Variants in SETD3 observed in about 807,000 individuals in gnomAD.
SETD3 encodes the protein actin-histidine N-methyltransferase.
A neutral mutation model predicts 63.0 loss-of-function variants in SETD3; 19 were observed. The observed-to-expected ratio is 0.30, with a 90% CI of 0.21 to 0.44. SETD3 has a LOEUF of 0.44. Ranked by LOEUF, SETD3 falls within the 20% of genes least tolerant of loss-of-function variation. The probability of loss-of-function intolerance (pLI) is 1.00; values close to 1 mark genes in which losing one functional copy is unlikely to be tolerated. For synonymous variants in SETD3, 286 were observed against 264.1 expected (o/e 1.08, Z -0.80); for missense variants, 587 against 728.5 (o/e 0.81, Z 2.24).
At chr14:99,468,156 TAA>T (rs34626094) in intron 1 of SETD3, among the ~76,000 whole-genome samples, 11 of 131,914 alleles carry the variant, frequency 8.3e-5, no homozygotes, top group Admixed American at 1.5e-4. Context: ...AATACAGATT[TAA>T]AAAAAAAAAA....
chr14:99,416,279 C>T (rs933898975), intron 6 of SETD3, among the ~76,000 whole-genome samples: 3 of 151,998 alleles, frequency 2.0e-5, no homozygotes, highest in African/African-American at 4.8e-5. Flanking sequence ...AGTTAAAACA[C>T]ATCTTCCAAA....
chr14:99,437,921 C>G (rs983534170), intron 6 of SETD3, among the ~76,000 whole-genome samples: 1 of 152,202 alleles, frequency 6.6e-6, no homozygotes, highest in Non-Finnish European at 1.5e-5. Context: ...TCCCTCAGGT[C>G]AGCCCACATG....
intron 6 of SETD3, among the ~76,000 whole-genome samples, chr14:99,417,863 A>G (rs192978978): frequency 1.3e-5 from 2 of 152,378 alleles, no homozygotes; most frequent in East Asian, 3.9e-4. Flanking sequence ...ACAATTCTCA[A>G]AAGGCCATAT....
intron 6 of SETD3, among the ~76,000 whole-genome samples, chr14:99,423,901 T>C (rs1221847034): frequency 6.6e-6 from 1 of 152,060 alleles, no homozygotes; most frequent in Admixed American, 6.5e-5. Flanking sequence ...ATACTTTGCC[T>C]TATATTTTCT....
chr14:99,473,941 G>A (rs909602225), intron 1 of SETD3, among the ~76,000 whole-genome samples: 1 of 152,206 alleles, frequency 6.6e-6, no homozygotes, highest in African/African-American at 2.4e-5. Flanking sequence ...TTGCACAGTA[G>A]CAGGGCCTAG....
intron 6 of SETD3, among the ~76,000 whole-genome samples, chr14:99,441,797 G>A (rs1011589431): frequency 6.6e-6 from 1 of 152,184 alleles, no homozygotes; most frequent in Non-Finnish European, 1.5e-5. Context: ...TTTGTTCTAA[G>A]CGTAAGGAAA....
At chr14:99,403,681 T>C (rs1891526271) in intron 11 of SETD3, among the ~76,000 whole-genome samples, 1 of 152,232 alleles carries the variant, frequency 6.6e-6, no homozygotes, top group Admixed American at 6.5e-5. Context: ...TAAGAGGCTG[T>C]AGCCAGGAAC....
intron 6 of SETD3, among the ~76,000 whole-genome samples, chr14:99,423,570 C>T (rs1169886766): frequency 1.9e-5 from 1 of 53,814 alleles, no homozygotes; most frequent in Admixed American, 3.3e-4. Context: ...TACCAGAAGG[C>T]TCTTAAGCAC....
rs146095518 is a variant in SETD3 at position 99,463,562 on chromosome 14, C to T, written c.120G>A (p.Ala40=). The T allele has an allele frequency of 3.2e-5, 51 of 1,613,772 alleles. No homozygotes were observed. Among genetic ancestry groups the T allele is most frequent in the Non-Finnish European group, 4.3e-5 (51 of 1,179,908 alleles). ...SELLQKCSSP[A]PGPGKEWEEY... is the part of the protein sequence containing the mutation. ...CTTCCCACTCTTTTCCTGGGCCAGG[C>T]GCCGGACTGCTGCATTCTGTAACAT... The change falls in exon 3 of 13, where the codon GCG becomes GCA. Residue 40 remains alanine (A), a synonymous_variant. Coordinates refer to ENST00000331768, the MANE Select transcript of SETD3 (RefSeq NM_032233.3).
chr14:99,399,001 T>A lies in SETD3; in HGVS notation c.1463A>T (p.Tyr488Phe). 6.2e-7 allele frequency: 1 copy of A among 1,614,218 alleles called. No homozygotes were observed. ...AVKSAAVNRE[Y>F]YRQQMEEKAP... Reference sequence around the variant, plus strand: ...CTTTTCCTCCATCTGTTGGCGATAGTATTCCCGGTTGACAGCTGCACTCTT... The same window carrying A: ...CTTTTCCTCCATCTGTTGGCGATAGAATTCCCGGTTGACAGCTGCACTCTT... Residue 488 changes from tyrosine (Y) to phenylalanine (F), a missense_variant, in exon 13 of 13, where the codon TAC (tyrosine) becomes TTC (phenylalanine). By Grantham distance (22) the Tyr-to-Phe change is conservative (BLOSUM62 3). Coordinates refer to ENST00000331768, the MANE Select transcript of SETD3 (RefSeq NM_032233.3).
chr14:99,447,819 T>C (rs996405729), intron 6 of SETD3, among the ~76,000 whole-genome samples: 17 of 152,218 alleles, frequency 1.1e-4, no homozygotes, highest in African/African-American at 4.1e-4. Flanking sequence ...GGCTTATTAC[T>C]TCCTCTAAGA....
intron 6 of SETD3, among the ~76,000 whole-genome samples, chr14:99,436,900 C>T (rs1306963990): frequency 6.6e-6 from 1 of 152,170 alleles, no homozygotes; most frequent in Non-Finnish European, 1.5e-5. Context: ...AAAACATTTC[C>T]ACAGCTTGTG....
intron 1 of SETD3, among the ~76,000 whole-genome samples, chr14:99,476,319 TTCAAAA>T (rs1379224908): frequency 6.6e-6 from 1 of 152,252 alleles, no homozygotes; most frequent in African/African-American, 2.4e-5. Flanking sequence ...ATCGCTAATA[TTCAAAA>T]TACTATTCCC....
At position 99,451,796 on chromosome 14, in the gene SETD3, C is replaced by T. The variant is rs1314337058; in HGVS notation, c.675+6483G>A. ...TGCTGGGATTACAGGCATGAGCCAC[C>T]GCACCTGGCCCAGGTGCTGTATCTT... On this transcript the variant is annotated intron_variant, in intron 6 of 12. Transcript: ENST00000331768. 3.3e-5 allele frequency among the ~76,000 whole-genome samples: 5 copies of T among 152,088 alleles called. No homozygotes were observed. In the South Asian group the frequency reaches 6.2e-4, roughly 19 times the overall value.
chr14:99,479,998 G>A (rs1232456950), intron 1 of SETD3, among the ~76,000 whole-genome samples: 2 of 151,984 alleles, frequency 1.3e-5, no homozygotes, highest in Non-Finnish European at 2.9e-5. Context: ...GGAGCCACGA[G>A]GAGGAAGAGT....
intron 6 of SETD3, among the ~76,000 whole-genome samples, chr14:99,414,841 A>G (rs1187589179): frequency 1.3e-5 from 2 of 152,212 alleles, no homozygotes; most frequent in East Asian, 1.9e-4. Flanking sequence ...TACAAATGAA[A>G]TCCTGCTGAA....
chr14:99,438,696 C>G (rs1056421623), intron 6 of SETD3, among the ~76,000 whole-genome samples: 1 of 152,166 alleles, frequency 6.6e-6, no homozygotes, highest in Non-Finnish European at 1.5e-5. Context: ...ACCTCCCTGC[C>G]GCTGGGGTTG....
chr14:99,446,140 G>C (rs1243806198), intron 6 of SETD3, among the ~76,000 whole-genome samples: 4 of 152,188 alleles, frequency 2.6e-5, no homozygotes, highest in Non-Finnish European at 5.9e-5. Flanking sequence ...TCCTACACCT[G>C]CTTCCTCACT....
At chr14:99,485,088 CT>C (rs1896450987), upstream of SETD3, among the ~76,000 whole-genome samples, 1 of 152,164 alleles carries the variant, frequency 6.6e-6, no homozygotes, top group Non-Finnish European at 1.5e-5. Flanking sequence ...GAGGCAAAAA[CT>C]TTTTCAGGGA....
Sources: allele counts gnomAD v4.1 joint callset (sites outside exome capture counted in the v4.1 genomes callset), GRCh38; gene constraint gnomAD v4.1.1; transcripts MANE v1.5; gene names NCBI Gene and HGNC (gene_info 2026-07-23, HGNC 2026-07-21).